RNF13: variants seen among roughly 807,000 people sequenced by gnomAD.
RNF13 encodes the protein ring finger protein 13.
A neutral mutation model predicts 37.7 loss-of-function variants in RNF13; 19 were observed. The observed-to-expected ratio is 0.50, with a 90% confidence interval of 0.35 to 0.74. The LOEUF (loss-of-function observed/expected upper bound fraction) is 0.74, where lower values mean the gene tolerates loss of function less well. Among genes scored for constraint, RNF13 ranks in the 30% least tolerant of loss-of-function variants. The pLI, the probability that RNF13 is intolerant of heterozygous loss-of-function variation, is 0.01. For missense variants in RNF13, 375 were observed against 453.0 expected (o/e 0.83, Z 1.56); for synonymous variants, 144 against 157.8 (o/e 0.91, Z 0.65).
chr3:149,861,234 G>A (rs1439610763), intron 3 of RNF13, among the ~76,000 whole-genome samples: 3 of 151,632 alleles, frequency 2.0e-5, no homozygotes, highest in African/African-American at 7.3e-5. Flanking sequence ...AGGGGGTGGG[G>A]GAGAACTAAA....
At chr3:149,834,324 TC>T (rs1377280898) in intron 1 of RNF13, among the ~76,000 whole-genome samples, 1 of 152,220 alleles carries the variant, frequency 6.6e-6, no homozygotes, top group East Asian at 1.9e-4. Context: ...GTCGTATACT[TC>T]CTGATTTCAA....
chr3:149,832,117 AAAC>A (rs1326357246), intron 1 of RNF13, among the ~76,000 whole-genome samples: 1 of 152,196 alleles, frequency 6.6e-6, no homozygotes, highest in Non-Finnish European at 1.5e-5. Context: ...TTCTTGAAAA[AAAC>A]AAATTGAAAT....
At chr3:149,874,007 A>T (rs1712398660) in intron 4 of RNF13, among the ~76,000 whole-genome samples, 2 of 152,222 alleles carry the variant, frequency 1.3e-5, no homozygotes, top group Non-Finnish European at 2.9e-5. Context: ...CTTGAAAAAC[A>T]TGTACATATG....
At chr3:149,889,759 A>G (rs1576829058) in intron 4 of RNF13, among the ~76,000 whole-genome samples, 2 of 150,742 alleles carry the variant, frequency 1.3e-5, no homozygotes, top group South Asian at 4.2e-4. Context: ...GGTTCAAGCA[A>G]TTCTCCTGCC....
intron 1 of RNF13, among the ~76,000 whole-genome samples, chr3:149,844,170 C>T (rs1722427554): frequency 6.6e-6 from 1 of 152,142 alleles, no homozygotes; most frequent in African/African-American, 2.4e-5. Flanking sequence ...TGATTTCTAA[C>T]CAGAAATTGT....
At chr3:149,833,405 G>A (rs944549196) in intron 1 of RNF13, among the ~76,000 whole-genome samples, 5 of 152,210 alleles carry the variant, frequency 3.3e-5, no homozygotes, top group African/African-American at 9.6e-5. Context: ...TCAGCAGCAC[G>A]TTAAAAGCAT....
chr3:149,847,036 A>G (rs115790139), intron 2 of RNF13, among the ~76,000 whole-genome samples: 19 of 152,300 alleles, frequency 1.2e-4, no homozygotes, highest in African/African-American at 4.6e-4. Flanking sequence ...CCAGCTTAAG[A>G]TAAGGCTTGA....
At chr3:149,849,390 G>A (rs978598578) in intron 2 of RNF13, among the ~76,000 whole-genome samples, 1 of 152,196 alleles carries the variant, frequency 6.6e-6, no homozygotes, top group Non-Finnish European at 1.5e-5. Context: ...AGTGTGCTGT[G>A]TAGCAAAGAA....
intron 1 of RNF13, among the ~76,000 whole-genome samples, chr3:149,842,973 G>A (rs1303918371): frequency 1.3e-5 from 2 of 152,138 alleles, no homozygotes. Context: ...TATGCACAGT[G>A]TGCCCCCAAT....
chr3:149,888,221 A>G (rs998385016), intron 4 of RNF13, among the ~76,000 whole-genome samples: 8 of 152,164 alleles, frequency 5.3e-5, no homozygotes, highest in African/African-American at 1.7e-4. Flanking sequence ...TACCTCACAT[A>G]TATTTTTATT....
At chr3:149,939,555 C>T in intron 8 of RNF13, 1 of 593,324 alleles carries the variant, frequency 1.7e-6, no homozygotes, top group African/African-American at 1.8e-5. Context: ...GCTGTACAGA[C>T]ATTTTCAAAG....
intron 4 of RNF13, among the ~76,000 whole-genome samples, chr3:149,876,273 A>G (rs1256402039): frequency 2.0e-5 from 3 of 152,170 alleles, no homozygotes; most frequent in East Asian, 1.9e-4. Context: ...ATCTTATTCT[A>G]TCTTATGTGT....
At chr3:149,835,608 A>AT (rs1721516510) in intron 1 of RNF13, among the ~76,000 whole-genome samples, 1 of 142,204 alleles carries the variant, frequency 7.0e-6, no homozygotes, top group South Asian at 2.2e-4. Context: ...TAATTAATTC[A>AT]TTTTTATGGC....
chr3:149,903,893 C>T (rs867464612), intron 6 of RNF13, among the ~76,000 whole-genome samples: 2 of 151,958 alleles, frequency 1.3e-5, no homozygotes, highest in Non-Finnish European at 2.9e-5. Context: ...ATTGTAGACC[C>T]GTACATAAAG....
chr3:149,945,171 C>T (rs1675923708), intron 8 of RNF13, among the ~76,000 whole-genome samples: 1 of 152,182 alleles, frequency 6.6e-6, no homozygotes, highest in African/African-American at 2.4e-5. Context: ...TGGTCTATAT[C>T]TCTGTCTTGG....
At chr3:149,947,925 C>T (rs1720933274) in intron 8 of RNF13, among the ~76,000 whole-genome samples, 1 of 152,032 alleles carries the variant, frequency 6.6e-6, no homozygotes, top group Non-Finnish European at 1.5e-5. Flanking sequence ...ATCTTTTCCA[C>T]CTTTTCACTT....
chr3:149,864,238 C>T (rs538157441), intron 3 of RNF13, among the ~76,000 whole-genome samples: 120 of 151,848 alleles, frequency 7.9e-4, no homozygotes, highest in South Asian at 5.2e-3. Context: ...AGTTCCTGTA[C>T]GAGCTAGTTG....
At chr3:149,933,450 A>G (rs1206554768) in intron 8 of RNF13, among the ~76,000 whole-genome samples, 3 of 152,124 alleles carry the variant, frequency 2.0e-5, no homozygotes, top group Admixed American at 6.5e-5. Flanking sequence ...GCTATTGTAA[A>G]TGAGATTACT....
intron 1 of RNF13, among the ~76,000 whole-genome samples, chr3:149,814,653 T>C (rs145996016): frequency 6.6e-6 from 1 of 152,300 alleles, no homozygotes; most frequent in South Asian, 2.1e-4. Context: ...TTTTTAACAG[T>C]ATGTGTGTGT....
Sources: allele counts gnomAD v4.1 joint callset (sites outside exome capture counted in the v4.1 genomes callset), GRCh38; gene constraint gnomAD v4.1.1; transcripts MANE v1.5; gene names NCBI Gene and HGNC (gene_info 2026-07-23, HGNC 2026-07-21).